The following TTC28 variants were observed in gnomAD, a reference collection of about 807,000 sequenced individuals.
TTC28 encodes the protein tetratricopeptide repeat protein 28.
In TTC28, 61 loss-of-function variants were observed where a neutral mutation model predicts 198.0. That is an observed-to-expected ratio of 0.31 (90% CI 0.25 to 0.38). TTC28 has a LOEUF of 0.38. Among genes scored for constraint, TTC28 ranks in the 10% least tolerant of loss-of-function variants. The pLI, the probability that TTC28 is intolerant of heterozygous loss-of-function variation, is 1.00. For synonymous variants in TTC28, 1,171 were observed against 1,297.8 expected, an observed-to-expected ratio of 0.90 and a Z score of 2.10; for missense variants, 2,678 against 3,164.0, an observed-to-expected ratio of 0.85 and a Z score of 3.69.
At chr22:28,362,551 A>G (rs2046175680) in intron 2 of TTC28, among the ~76,000 whole-genome samples, 1 of 152,256 alleles carries the variant, frequency 6.6e-6, no homozygotes, top group Non-Finnish European at 1.5e-5. Flanking sequence ...GAACTGGGTA[A>G]CAGGCAGAGG....
chr22:28,241,854 G>A (rs1159477907), intron 5 of TTC28, among the ~76,000 whole-genome samples: 1 of 152,012 alleles, frequency 6.6e-6, no homozygotes, highest in Non-Finnish European at 1.5e-5. Flanking sequence ...ATAGAGAAAG[G>A]GAAATAAAAT....
intron 2 of TTC28, among the ~76,000 whole-genome samples, chr22:28,539,937 CTTTTTTTTTT>C (rs34198666): frequency 1.2e-5 from 1 of 84,588 alleles, no homozygotes; most frequent in Non-Finnish European, 2.3e-5. Context: ...CCTCAGGAAG[CTTTTTTTTTT>C]TTTTTTTTTT....
At position 28,632,768 on chromosome 22, in the gene TTC28, T is replaced by TA. The variant is rs113714992; in HGVS notation, c.103-2939dup. 4.1e-3 allele frequency among the ~76,000 whole-genome samples: 586 copies of TA among 141,830 alleles called. 1 individual carries two copies. Among genetic ancestry groups the TA allele is most frequent in the South Asian group, 0.01 (45 of 4,440 alleles). 93.0% of individuals were successfully genotyped at this position (141,830 alleles called of 152,430 possible). On this transcript the variant is annotated intron_variant, in intron 1 of 22. Coordinates refer to ENST00000397906, the MANE Select transcript of TTC28 (RefSeq NM_001145418.2). ...GATTCATAAGTAGCCTGTAAGTTAT[T>TA]AAAAAAAAAAAAAGGAGAAGAAGAA...
At chr22:28,250,320 T>C (rs956575593) in intron 5 of TTC28, among the ~76,000 whole-genome samples, 3 of 152,188 alleles carry the variant, frequency 2.0e-5, no homozygotes, top group Admixed American at 2.0e-4. Context: ...TATCCATTTG[T>C]TATATTTCAA....
intron 2 of TTC28, among the ~76,000 whole-genome samples, chr22:28,574,349 CTGTT>C (rs1037004525): frequency 1.3e-5 from 2 of 151,250 alleles, no homozygotes; most frequent in African/African-American, 4.9e-5. Context: ...TAGTACTCCA[CTGTT>C]TGTGTGTGTG....
intron 2 of TTC28, among the ~76,000 whole-genome samples, chr22:28,571,871 C>T (rs1046875570): frequency 5.9e-5 from 9 of 151,574 alleles, no homozygotes; most frequent in African/African-American, 2.2e-4. Flanking sequence ...TAGCTTGAAC[C>T]CGGGAGGCAG....
At chr22:28,412,811 G>A (rs1314196116) in intron 2 of TTC28, among the ~76,000 whole-genome samples, 1 of 152,188 alleles carries the variant, frequency 6.6e-6, no homozygotes, top group African/African-American at 2.4e-5. Flanking sequence ...CAGGTGGGCT[G>A]CAGAGACAGG....
Position 28,522,713 on chromosome 22 carries a change from A to G in TTC28, c.381+106839T>C, listed in dbSNP as rs558469503. Among the ~76,000 whole-genome samples the G allele has an allele frequency of 2.6e-5, 4 of 152,324 alleles. No homozygotes were observed. The South Asian group carries it at 8.3e-4, about 32-fold the overall frequency. On this transcript the variant is annotated intron_variant, in intron 2 of 22. Transcript: ENST00000397906. The stretch of plus-strand genomic sequence containing the variant: ...ATACTAAAAAAGGTATGAAGTACCA[A>G]TACACACTACCATATGGACAAACCT...
At chr22:28,523,872 C>T (rs1391583531) in intron 2 of TTC28, among the ~76,000 whole-genome samples, 1 of 152,080 alleles carries the variant, frequency 6.6e-6, no homozygotes, top group Non-Finnish European at 1.5e-5. Context: ...TTAATAAATG[C>T]CAAGCACAGT....
rs1243512610 is a variant in TTC28, at chr22:28,032,269, T to A, written c.3933-1903A>T. ...ATATAAAATATATATATATATATAGTGTGTGTGTGTGTGTGTGTGTGTGTG... is the reference window on the plus strand; with the variant it reads ...ATATAAAATATATATATATATATAGAGTGTGTGTGTGTGTGTGTGTGTGTG... On this transcript the variant is annotated intron_variant, in intron 12 of 22. Transcript: ENST00000397906. 9.5e-4 allele frequency among the ~76,000 whole-genome samples: 73 copies of A among 76,752 alleles called. 1 individual carries two copies. In the South Asian group the frequency reaches 0.016, roughly 16 times the overall value. 50.4% of individuals were successfully genotyped at this position (76,752 alleles called of 152,430 possible).
intron 12 of TTC28, among the ~76,000 whole-genome samples, chr22:28,054,651 C>T (rs1422547209): frequency 6.6e-6 from 1 of 152,064 alleles, no homozygotes; most frequent in Non-Finnish European, 1.5e-5. Context: ...CCTGTGTGGG[C>T]TCCCCTCCAC....
At chr22:28,289,420 T>G (rs546218582) in intron 5 of TTC28, among the ~76,000 whole-genome samples, 1 of 152,310 alleles carries the variant, frequency 6.6e-6, no homozygotes, top group South Asian at 2.1e-4. Flanking sequence ...TAGGAAGGCC[T>G]CTGTGGGCAA....
At chr22:28,610,497 G>T (rs913802797) in intron 2 of TTC28, among the ~76,000 whole-genome samples, 4 of 152,138 alleles carry the variant, frequency 2.6e-5, no homozygotes, top group African/African-American at 4.8e-5. Context: ...CAGCAGAGGG[G>T]CCTGACTGTT....
In TTC28 at chr22:28,042,115, C is replaced by T. The variant is rs1939662632; in HGVS notation, c.3933-11749G>A. Among the ~76,000 whole-genome samples, 4 of 152,112 alleles carry T rather than the reference C, an allele frequency of 2.6e-5. No homozygotes were observed. The South Asian group carries it at 8.3e-4, about 32-fold the overall frequency. ...GAGGGGATGTGGAGAAATAGGAATG[C>T]TTTTACACTGTTGGTGGGAGTGTAA... On this transcript the variant is annotated intron_variant, in intron 12 of 22. Transcript: ENST00000397906.
intron 2 of TTC28, among the ~76,000 whole-genome samples, chr22:28,328,939 A>G (rs1257762784): frequency 6.6e-6 from 1 of 152,016 alleles, no homozygotes; most frequent in African/African-American, 2.4e-5. Context: ...AAGCCACTAC[A>G]TTAACAAAGA....
At chr22:28,472,222 C>T (rs1457862928) in intron 2 of TTC28, among the ~76,000 whole-genome samples, 1 of 152,118 alleles carries the variant, frequency 6.6e-6, no homozygotes, top group African/African-American at 2.4e-5. Context: ...TGAGTTTCTT[C>T]TTGATTTCCC....
At chr22:28,561,788 G>A (rs1045186368) in intron 2 of TTC28, among the ~76,000 whole-genome samples, 3 of 151,928 alleles carry the variant, frequency 2.0e-5, no homozygotes, top group Admixed American at 6.6e-5. Context: ...TTCAACTCTC[G>A]TCTTAAATAG....
At chr22:28,266,536 A>G (rs1931695640) in intron 5 of TTC28, among the ~76,000 whole-genome samples, 1 of 152,190 alleles carries the variant, frequency 6.6e-6, no homozygotes, top group South Asian at 2.1e-4. Context: ...TGATGCTAGC[A>G]TAAGATTGAC....
chr22:28,444,164 A>C (rs1471937789), intron 2 of TTC28, among the ~76,000 whole-genome samples: 1 of 152,206 alleles, frequency 6.6e-6, no homozygotes, highest in Non-Finnish European at 1.5e-5. Context: ...TCTACTATTT[A>C]TCATCCAACA....
Sources: allele counts gnomAD v4.1 joint callset (sites outside exome capture counted in the v4.1 genomes callset), GRCh38; gene constraint gnomAD v4.1.1; transcripts MANE v1.5; gene names NCBI Gene and HGNC (gene_info 2026-07-23, HGNC 2026-07-21).